The following RELN variants were observed in gnomAD, a reference collection of about 807,000 sequenced individuals.
RELN encodes reelin.
In RELN, 108 loss-of-function variants were observed where a neutral mutation model predicts 427.6. That is an observed-to-expected ratio of 0.25 (90% CI 0.22 to 0.30). RELN has a LOEUF of 0.30. Ranked by LOEUF, RELN falls within the 10% of genes least tolerant of loss-of-function variation. The pLI, the probability that RELN is intolerant of heterozygous loss-of-function variation, is 1.00. For synonymous variants in RELN, 1,524 were observed against 1,513.4 expected, an observed-to-expected ratio of 1.01 and a Z score of -0.16; for missense variants, 3,715 against 4,302.8, an observed-to-expected ratio of 0.86 and a Z score of 3.82.
At position 103,661,461 on chromosome 7, in the gene RELN, G is replaced by A. The variant is rs545466376; in HGVS notation, c.1356C>T (p.Val452=). ...CGTIESGLSM[V]FLKDGERKLC... ...ATTTCCTCTCTCCATCTTTGAGGAAGACCATTGATAAGCCTGATTCTATCG... is the reference window on the plus strand; with the variant it reads ...ATTTCCTCTCTCCATCTTTGAGGAAAACCATTGATAAGCCTGATTCTATCG... Residue 452 remains valine, a synonymous_variant, in exon 12 of 65, where the codon GTC becomes GTT. Transcript: ENST00000428762. 1.2e-6 allele frequency: 2 copies of A among 1,613,386 alleles called. No individual in the cohort carries two copies. The highest frequency in any genetic ancestry group is 2.7e-5 in the African/African-American group (2 of 74,978).
At position 103,539,567 on chromosome 7, in the gene RELN, T is replaced by C. The variant is rs936014340; in HGVS notation, c.6931-240A>G. 1.7e-5 allele frequency: 9 copies of C among 525,876 alleles called. No homozygotes were observed. In the East Asian group the frequency reaches 1.8e-4, roughly 10 times the overall value. 32.6% of individuals were successfully genotyped at this position (525,876 alleles called of 1,614,324 possible). Reference sequence around the variant, plus strand: ...TTGACAAAACCATTCACAGCCTACATTGGCCAAACTGTGCCTTTGCAAACG... The same window carrying C: ...TTGACAAAACCATTCACAGCCTACACTGGCCAAACTGTGCCTTTGCAAACG... On this transcript the variant is annotated intron_variant, in intron 44 of 64. Coordinates refer to ENST00000428762, the MANE Select transcript of RELN (RefSeq NM_005045.4).
intron 57 of RELN, among the ~76,000 whole-genome samples, chr7:103,495,423 G>C (rs1828809778): frequency 6.6e-6 from 1 of 150,898 alleles, no homozygotes; most frequent in Non-Finnish European, 1.5e-5. Context: ...TCCTGCCCCA[G>C]CCTCCCAAAG....
At chr7:103,521,542 C>A (rs1172585680) in intron 48 of RELN, among the ~76,000 whole-genome samples, 1 of 152,144 alleles carries the variant, frequency 6.6e-6, no homozygotes, top group Non-Finnish European at 1.5e-5. Flanking sequence ...AGCTCATTTT[C>A]CAGATTTTTG....
chr7:103,938,942 G>A (rs901348337), intron 1 of RELN, among the ~76,000 whole-genome samples: 1 of 151,400 alleles, frequency 6.6e-6, no homozygotes, highest in Admixed American at 6.6e-5. Flanking sequence ...AGTTTTATAA[G>A]CTTTTTTTTT....
chr7:103,509,654 T>A (rs1829331285), intron 51 of RELN, among the ~76,000 whole-genome samples: 1 of 152,084 alleles, frequency 6.6e-6, no homozygotes, highest in Non-Finnish European at 1.5e-5. Flanking sequence ...AGTAGACCAA[T>A]GGGATCTAAT....
At chr7:103,760,575 C>T (rs1354282940) in intron 4 of RELN, among the ~76,000 whole-genome samples, 1 of 151,726 alleles carries the variant, frequency 6.6e-6, no homozygotes, top group Non-Finnish European at 1.5e-5. Flanking sequence ...GAAAAGATGC[C>T]TGAAAATGAA....
In RELN at chr7:103,593,722, C is replaced by T. The variant is rs774998117; in HGVS notation, c.3872G>A (p.Arg1291Gln). The T allele has an allele frequency of 5.0e-6, 8 of 1,613,880 alleles. No individual in the cohort carries two copies. In the East Asian group the frequency reaches 6.7e-5, roughly 13 times the overall value. Reference protein sequence around the residue: ...KSDGDRFAVTRDLTLKPGYVL... With the variant: ...KSDGDRFAVTQDLTLKPGYVL... ...ATATCCAGGTTTCAGGGTCAAATCT[C>T]GAGTTACTGCAAATCGATCTCCATC... Residue 1291 changes from arginine to glutamine, a missense_variant, in exon 27 of 65, where the codon CGA becomes CAA. Coordinates refer to ENST00000428762, the MANE Select transcript of RELN (RefSeq NM_005045.4).
At chr7:103,673,046 T>C (rs1448497668) in intron 11 of RELN, among the ~76,000 whole-genome samples, 1 of 152,154 alleles carries the variant, frequency 6.6e-6, no homozygotes, top group Non-Finnish European at 1.5e-5. Context: ...AGGGCAAATA[T>C]ACAGCTTATT....
chr7:103,987,646 T>C (rs1251494157), intron 1 of RELN, among the ~76,000 whole-genome samples: 1 of 152,166 alleles, frequency 6.6e-6, no homozygotes, highest in African/African-American at 2.4e-5. Flanking sequence ...CAGCAGGCTG[T>C]CAATCAGGCT....
intron 1 of RELN, among the ~76,000 whole-genome samples, chr7:103,987,063 A>T (rs1797115541): frequency 9.0e-6 from 1 of 110,634 alleles, no homozygotes; most frequent in East Asian, 2.9e-4. Flanking sequence ...TTCTACCTGT[A>T]GAACATTTTA....
intron 19 of RELN, among the ~76,000 whole-genome samples, chr7:103,630,860 G>GTTTTTGT (rs1554394448): frequency 2.2e-5 from 3 of 134,508 alleles, no homozygotes; most frequent in Non-Finnish European, 1.6e-5. Context: ...TGTTTTTTTT[G>GTTTTTGT]TTTTTTTTTT....
At chr7:103,972,252 C>CT (rs766008554) in intron 1 of RELN, among the ~76,000 whole-genome samples, 7 of 152,104 alleles carry the variant, frequency 4.6e-5, no homozygotes, top group Non-Finnish European at 7.4e-5. Flanking sequence ...ACACATATAG[C>CT]TGAGTGAGAA....
At chr7:103,660,055 T>C (rs1157100554) in intron 12 of RELN, among the ~76,000 whole-genome samples, 2 of 152,112 alleles carry the variant, frequency 1.3e-5, no homozygotes, top group East Asian at 3.8e-4. Flanking sequence ...AAGATTAATC[T>C]TATATAAAGA....
intron 2 of RELN, among the ~76,000 whole-genome samples, chr7:103,894,383 C>T (rs1794915069): frequency 6.6e-6 from 1 of 152,074 alleles, no homozygotes; most frequent in Non-Finnish European, 1.5e-5. Flanking sequence ...AAAGACTCCC[C>T]CAAACAAATG....
At chr7:103,772,023 C>G (rs944037836) in intron 4 of RELN, among the ~76,000 whole-genome samples, 2 of 152,162 alleles carry the variant, frequency 1.3e-5, no homozygotes, top group African/African-American at 4.8e-5. Flanking sequence ...TGAGCATTAA[C>G]AGAAGGTCCT....
rs370153412 is a variant in RELN, at chr7:103,833,913, GTTGA to G, written c.338-245_338-242del. 0.011 allele frequency among the ~76,000 whole-genome samples: 1,612 copies of G among 152,240 alleles called. 29 individuals are homozygous for G. Among genetic ancestry groups the G allele is most frequent in the African/African-American group, 0.036 (1,494 of 41,534 alleles). ...ATAATATTTGCTTTGCTTTGATTTT[GTTGA>G]TTGATTGATCTTTGCCTATCACCAA... On this transcript the variant is annotated intron_variant, in intron 2 of 64. Transcript: ENST00000428762.
At chr7:103,756,657 A>G (rs1791164339) in intron 4 of RELN, among the ~76,000 whole-genome samples, 1 of 152,204 alleles carries the variant, frequency 6.6e-6, no homozygotes, top group Admixed American at 6.5e-5. Context: ...AAAGTCCTTT[A>G]TTATAAGTGG....
chr7:103,548,274 T>G (rs1023192613), intron 41 of RELN, among the ~76,000 whole-genome samples: 1 of 152,226 alleles, frequency 6.6e-6, no homozygotes, highest in African/African-American at 2.4e-5. Context: ...AATACACTTT[T>G]TGTGTGTATT....
At chr7:103,611,535 A>AT (rs2094006583) in intron 21 of RELN, 76 bp downstream of exon 21, 1 of 876,914 alleles carries the variant, frequency 1.1e-6, no homozygotes, top group Non-Finnish European at 1.7e-6. Flanking sequence ...CTAGAACTGT[A>AT]ATTTTTTTTT....
Sources: gnomAD v4.1 joint callset for allele counts (sites outside exome capture counted in the v4.1 genomes callset) on GRCh38, gnomAD v4.1.1 for gene constraint, MANE v1.5 for transcripts, NCBI Gene and HGNC (gene_info 2026-07-23, HGNC 2026-07-21) for gene names.